C1orf50: variants seen among roughly 807,000 people sequenced by gnomAD.
C1orf50 encodes chromosome 1 open reading frame 50.
In C1orf50, 22 loss-of-function variants were observed where a neutral mutation model predicts 23.3. The ratio of observed to expected loss-of-function variants is 0.94; its 90% confidence interval spans 0.67 to 1.35. The LOEUF is 1.35. C1orf50 is among the 40% of genes most tolerant of loss of function. C1orf50 has a pLI of 0.00. For missense variants in C1orf50, 271 were observed against 249.4 expected (o/e 1.09, Z -0.58); for synonymous variants, 96 against 102.4 (o/e 0.94, Z 0.38).
chr1:42,775,334 A>T lies in C1orf50; in HGVS notation c.540A>T (p.Leu180=). Residue 180 remains leucine, a synonymous_variant, in exon 5 of 5, where the codon CTA becomes CTT. Transcript: ENST00000372525. ...AAATCAGCATGATGGACACGTTGCTAAGCCAGTCAGTGGCCCTGCCTCCGT... is the reference window on the plus strand; with the variant it reads ...AAATCAGCATGATGGACACGTTGCTTAGCCAGTCAGTGGCCCTGCCTCCGT... ...DAKISMMDTL[L]SQSVALPPCT... 6.2e-7 allele frequency: 1 copy of T among 1,612,260 alleles called. No homozygotes were observed. Among genetic ancestry groups the T allele is most frequent in the Non-Finnish European group, 8.5e-7 (1 of 1,178,508 alleles).
chr1:42,773,044 G>A (rs1450943025), intron 2 of C1orf50: 1 of 152,530 alleles, frequency 6.6e-6, no homozygotes, highest in African/African-American at 2.4e-5. Context: ...CTTTCTATGT[G>A]TATCTAGATT....
In C1orf50 at chr1:42,772,427, T is replaced by G. The variant is rs150510907; in HGVS notation, c.196-1136T>G. ...AATTCTATTGCCTGAGTGGTAATCC[T>G]TCCCAGCACATGAATTTGTCACATT... On this transcript the variant is annotated intron_variant, in intron 2 of 4. Coordinates refer to ENST00000372525, the MANE Select transcript of C1orf50 (RefSeq NM_024097.4). 4.0e-3 allele frequency among the ~76,000 whole-genome samples: 608 copies of G among 152,342 alleles called. 3 individuals are homozygous for G. Among genetic ancestry groups the G allele is most frequent in the African/African-American group, 0.014 (574 of 41,574 alleles).
rs189388607 is a variant in C1orf50 at position 42,776,770 on chromosome 1, T to G, written c.*1376T>G. 9.8e-5 allele frequency: 15 copies of G among 152,372 alleles called. No individual in the cohort carries two copies. The East Asian group carries it at 2.9e-3, about 29-fold the overall frequency. 9.4% of individuals were successfully genotyped at this position (152,372 alleles called of 1,614,324 possible). A position where few individuals can be genotyped will look rare whatever the true frequency, so the allele number is the denominator to read the frequency against. ...AGCCGGATGGAAGAGACATTAGTGG[T>G]AGAGTAGTGGATTCTGACTACAGAA... On this transcript the variant is annotated 3_prime_UTR_variant, in exon 5 of 5. Transcript: ENST00000372525.
intron 2 of C1orf50, among the ~76,000 whole-genome samples, chr1:42,771,124 A>G (rs1488029614): frequency 1.3e-5 from 2 of 152,180 alleles, no homozygotes; most frequent in East Asian, 3.8e-4. Context: ...TGTTATCTTT[A>G]ACCTGCTTCT....
At chr1:42,773,801 G>T in intron 3 of C1orf50, 152 bp downstream of exon 3, 1 of 553,562 alleles carries the variant, frequency 1.8e-6, no homozygotes, top group South Asian at 2.1e-5. Flanking sequence ...AGCTTAAGAG[G>T]TTAAGTATAA....
At position 42,775,805 on chromosome 1, in the gene C1orf50, T is replaced by A. The variant is rs1252834901; in HGVS notation, c.*411T>A. ...ATATATAACTGGTAGTATTTAACAT[T>A]GGGGTTGAGGCTGTCTCACAGTTGG... On this transcript the variant is annotated 3_prime_UTR_variant, in exon 5 of 5. Coordinates refer to ENST00000372525, the MANE Select transcript of C1orf50 (RefSeq NM_024097.4). 6.8e-6 allele frequency: 1 copy of A among 147,786 alleles called. No individual in the cohort carries two copies. Among genetic ancestry groups the A allele is most frequent in the Non-Finnish European group, 1.5e-5 (1 of 67,510 alleles). 9.2% of individuals were successfully genotyped at this position (147,786 alleles called of 1,614,324 possible).
intron 2 of C1orf50, 116 bp from the exon 3 acceptor site, chr1:42,773,447 T>C: frequency 3.2e-6 from 2 of 634,384 alleles, no homozygotes; most frequent in Non-Finnish European, 5.6e-6. Flanking sequence ...GTGGCAAGAA[T>C]GGGAAAAATA....
Position 42,775,395 on chromosome 1 carries a change from G to T in C1orf50, c.*1G>T. On this transcript the variant is annotated 3_prime_UTR_variant, in exon 5 of 5. Coordinates refer to ENST00000372525, the MANE Select transcript of C1orf50 (RefSeq NM_024097.4). Reference sequence around the variant, plus strand: ...CAACTTCCAGGGACTGACTCACTGAGAGTGGGCTTTGACAAACAGCTCTCA... The same window carrying T: ...CAACTTCCAGGGACTGACTCACTGATAGTGGGCTTTGACAAACAGCTCTCA... The T allele has an allele frequency of 1.9e-6, 3 of 1,578,384 alleles. No homozygotes were observed. Among genetic ancestry groups the T allele is most frequent in the Non-Finnish European group, 2.6e-6 (3 of 1,152,012 alleles).
rs201793492 is a variant in C1orf50, at chr1:42,767,333, G to C, written c.22G>C (p.Gly8Arg). MEDAAAP[G>R]RTEGVLERQG... ...TGTCATGGAGGACGCCGCCGCGCCG[G>C]GGCGGACCGAGGGGGTCCTTGAAAG... The change falls in exon 1 of 5, where the codon GGG becomes CGG. Residue 8 changes from glycine (G) to arginine (R), a missense_variant. By Grantham distance (125) the Gly-to-Arg change is moderately radical. Transcript: ENST00000372525. 3 of 1,525,566 alleles carry C rather than the reference G, an allele frequency of 2.0e-6. No individual in the cohort carries two copies. The highest frequency in any genetic ancestry group is 1.8e-6 in the Non-Finnish European group (2 of 1,141,878). 94.5% of individuals were successfully genotyped at this position (1,525,566 alleles called of 1,614,324 possible).
Position 42,774,739 on chromosome 1 carries a change from A to G in C1orf50, c.285A>G (p.Val95=). The change falls in exon 4 of 5, where the codon GTA becomes GTG. Residue 95 remains valine (V), a splice_region_variant and synonymous_variant. Transcript: ENST00000372525. ...IQHLQEQARK[V]LEDAHRDANL... is the part of the protein sequence containing the mutation. Reference sequence around the variant, plus strand: ...TGTTACATATCTGTGATTCATAGGTACTGGAAGATGCTCACAGAGATGCCA... The same window carrying G: ...TGTTACATATCTGTGATTCATAGGTGCTGGAAGATGCTCACAGAGATGCCA... 1.2e-6 allele frequency: 2 copies of G among 1,610,126 alleles called. No individual in the cohort carries two copies. The highest frequency in any genetic ancestry group is 1.7e-6 in the Non-Finnish European group (2 of 1,176,890).
At chr1:42,767,945 A>G (rs1653119952) in intron 2 of C1orf50, among the ~76,000 whole-genome samples, 1 of 152,180 alleles carries the variant, frequency 6.6e-6, no homozygotes, top group Admixed American at 6.5e-5. Context: ...TATTCTTCCC[A>G]TTTGACACAA....
At chr1:42,767,731 C>G in intron 2 of C1orf50, 107 bp downstream of exon 2, 4 of 1,008,104 alleles carry the variant, frequency 4.0e-6, no homozygotes, top group Non-Finnish European at 5.9e-6. Flanking sequence ...GGCATTTGCT[C>G]TTGTCTCCAT....
intron 2 of C1orf50, among the ~76,000 whole-genome samples, chr1:42,770,946 C>T (rs1003485811): frequency 2.6e-5 from 4 of 152,032 alleles, no homozygotes; most frequent in Non-Finnish European, 5.9e-5. Flanking sequence ...AATGTTATAT[C>T]CTTGGTGAGG....
chr1:42,775,622 A>AGTCAGTT lies in C1orf50; in HGVS notation c.*229_*235dup, dbSNP rs1444156598. On this transcript the variant is annotated 3_prime_UTR_variant, in exon 5 of 5. Transcript: ENST00000372525. ...TCTTTGGACCACAGATACCCAAGTCAGTCAGTTTCAGAGTATTGGCCAGTG... is the reference window on the plus strand; with the variant it reads ...TCTTTGGACCACAGATACCCAAGTCAGTCAGTTGTCAGTTTCAGAGTATTGGCCAGTG... 2.4e-5 allele frequency: 10 copies of AGTCAGTT among 423,978 alleles called. No individual in the cohort carries two copies. Among genetic ancestry groups the AGTCAGTT allele is most frequent in the Non-Finnish European group, 3.8e-5 (9 of 235,368 alleles). The allele number at this position is 423,978 out of a possible 1,614,324, so 26.3% of individuals were successfully genotyped here.
rs1484719604 is a variant in C1orf50 at position 42,777,700 on chromosome 1, A to G, written c.*2306A>G. The G allele has an allele frequency of 1.3e-5, 2 of 152,220 alleles. No individual in the cohort carries two copies. The highest frequency in any genetic ancestry group is 2.9e-5 in the Non-Finnish European group (2 of 68,038). 9.4% of individuals were successfully genotyped at this position (152,220 alleles called of 1,614,324 possible). On this transcript the variant is annotated 3_prime_UTR_variant, in exon 5 of 5. Transcript: ENST00000372525. ...ACCAGAAGGCAGACATCATTGAATC[A>G]TTGAACAGATCCTAGAATCTATCTG...
chr1:42,775,183 G>A (rs551524759), intron 4 of C1orf50, 26 bp from the exon 5 acceptor site: 11 of 1,575,476 alleles, frequency 7.0e-6, no homozygotes, highest in Non-Finnish European at 9.6e-6. Flanking sequence ...CACGCTGATG[G>A]GAACTGCCTC....
chr1:42,771,581 A>G (rs1445651194), intron 2 of C1orf50, among the ~76,000 whole-genome samples: 1 of 152,226 alleles, frequency 6.6e-6, no homozygotes, highest in Non-Finnish European at 1.5e-5. Context: ...AGAAGGACCA[A>G]AAAAAGAAAC....
intron 3 of C1orf50, 87 bp downstream of exon 3, chr1:42,773,736 T>G (rs2124191369): frequency 3.6e-6 from 3 of 821,930 alleles, no homozygotes; most frequent in Middle Eastern, 4.6e-4. Context: ...TGTGACTTTT[T>G]ATGTCTTTAA....
At position 42,767,498 on chromosome 1, in the gene C1orf50, G is replaced by A; in HGVS notation, c.80-11G>A. 1 of 1,560,690 alleles carries A rather than the reference G, an allele frequency of 6.4e-7. No individual in the cohort carries two copies. On this transcript the variant is annotated splice_polypyrimidine_tract_variant and intron_variant, in intron 1 of 4. Coordinates refer to ENST00000372525, the MANE Select transcript of C1orf50 (RefSeq NM_024097.4). ...GAGCTCACGGCTTGTGTTCCTGGGT[G>A]TGTGTCGCAGGAGCCCTGGTGGAGC...
Sources: allele counts gnomAD v4.1 joint callset (sites outside exome capture counted in the v4.1 genomes callset), GRCh38; gene constraint gnomAD v4.1.1; transcripts MANE v1.5; gene names NCBI Gene and HGNC (gene_info 2026-07-23, HGNC 2026-07-21).